HAS3: variants seen among roughly 807,000 people sequenced by gnomAD.
HAS3 encodes the protein hyaluronan synthase 3.
HAS3 carries 27 observed loss-of-function variants against 50.3 expected under a neutral mutation model. The ratio of observed to expected loss-of-function variants is 0.54; its 90% CI spans 0.40 to 0.74. The LOEUF is 0.74. Ranked by LOEUF, HAS3 falls within the 30% of genes least tolerant of loss-of-function variation. HAS3 has a pLI of 0.00. For synonymous variants in HAS3, 339 were observed against 310.9 expected (o/e 1.09, Z -0.95); for missense variants, 517 against 742.8 (o/e 0.70, Z 3.53).
chr16:69,116,244 A>G lies in HAS3; in HGVS notation c.*978A>G. 1 of 985,566 alleles carries G rather than the reference A, an allele frequency of 1.0e-6. No homozygotes were observed. Among genetic ancestry groups the G allele is most frequent in the Non-Finnish European group, 1.2e-6 (1 of 829,940 alleles). 61.1% of individuals were successfully genotyped at this position (985,566 alleles called of 1,614,324 possible). On this transcript the variant is annotated 3_prime_UTR_variant, in exon 4 of 4. Coordinates refer to ENST00000569188, the MANE Select transcript of HAS3 (RefSeq NM_001199280.2). Reference sequence around the variant, plus strand: ...AGGTATCACTGCAGTCACCTCTTCTACCCTCATCATCATAGGTAAGGTTTT... The same window carrying G: ...AGGTATCACTGCAGTCACCTCTTCTGCCCTCATCATCATAGGTAAGGTTTT...
At chr16:69,102,459 A>G (rs1960707457), upstream of HAS3, among the ~76,000 whole-genome samples, 1 of 152,184 alleles carries the variant, frequency 6.6e-6, no homozygotes, top group Admixed American at 6.5e-5. Context: ...CAAATAGGAC[A>G]CCACAAACTG....
Position 69,107,511 on chromosome 16 carries a change from G to C in HAS3, c.-1+1724G>C. The C allele has an allele frequency of 1.0e-6, 1 of 984,464 alleles. No individual in the cohort carries two copies. Among genetic ancestry groups the C allele is most frequent in the South Asian group, 4.7e-5 (1 of 21,294 alleles). 61.0% of individuals were successfully genotyped at this position (984,464 alleles called of 1,614,324 possible). A position where few individuals can be genotyped will look rare whatever the true frequency, so the allele number is the denominator to read the frequency against. On this transcript the variant is annotated intron_variant, in intron 1 of 3. Transcript: ENST00000569188. The surrounding 1 kb of genome is among the most constrained non-coding windows in gnomAD (Gnocchi z 5.5). The stretch of plus-strand genomic sequence containing the variant: ...GCCGGCGCCGCCTTTGCCAAGAGGC[G>C]AGGCTCGAGCGGGGATGAGAAGCGT...
chr16:69,087,868 A>AT, the HAS3 span, among the ~76,000 whole-genome samples: 1 of 142,040 alleles, frequency 7.0e-6, no homozygotes, highest in African/African-American at 2.6e-5. Context: ...ACGCCCAACT[A>AT]TTTTTTTGTA....
chr16:69,107,790 G>C lies in HAS3; in HGVS notation c.1-1606G>C, dbSNP rs1348748622. On this transcript the variant is annotated intron_variant, in intron 1 of 3. Transcript: ENST00000569188. The surrounding 1 kb of genome is among the most constrained non-coding windows in gnomAD (Gnocchi z 5.5). The stretch of plus-strand genomic sequence containing the variant: ...GCGCGAGCAGTAGGGTGGCAACAGG[G>C]AGGGCTGGGAGTCCTGTGAAGGAAG... The C allele has an allele frequency of 3.9e-6, 3 of 769,100 alleles. No homozygotes were observed. The highest frequency in any genetic ancestry group is 3.2e-6 in the Non-Finnish European group (2 of 632,128). 47.6% of individuals were successfully genotyped at this position (769,100 alleles called of 1,614,324 possible). A position where few individuals can be genotyped will look rare whatever the true frequency, so the allele number is the denominator to read the frequency against.
chr16:69,107,313 G>C lies in HAS3; in HGVS notation c.-1+1526G>C. On this transcript the variant is annotated intron_variant, in intron 1 of 3. Coordinates refer to ENST00000569188, the MANE Select transcript of HAS3 (RefSeq NM_001199280.2). The surrounding 1 kb of genome is among the most constrained non-coding windows in gnomAD (Gnocchi z 5.5). ...ATGCCTCTAATTCCTGCGGGGGAGG[G>C]GTCCCGCCCAGGGAAGGAGAGGGCC... is the stretch of plus-strand genomic sequence containing the variant. The C allele has an allele frequency of 1.0e-6, 1 of 981,406 alleles. No individual in the cohort carries two copies. The allele number at this position is 981,406 out of a possible 1,614,324, so 60.8% of individuals were successfully genotyped here.
At chr16:69,110,918 C>T (rs983468217) in intron 2 of HAS3, among the ~76,000 whole-genome samples, 9 of 152,196 alleles carry the variant, frequency 5.9e-5, no homozygotes, top group South Asian at 2.1e-4. Context: ...CATGTCTGGG[C>T]GGTGAGAGAC....
At chr16:69,118,264 A>G, downstream of HAS3, 1 of 806,474 alleles carries the variant, frequency 1.2e-6, no homozygotes, top group Non-Finnish European at 2.2e-6. Flanking sequence ...TCCCAGGAGA[A>G]GGGAGCTGCA....
At chr16:69,085,753 T>G in the HAS3 span, among the ~76,000 whole-genome samples, 1 of 130,500 alleles carries the variant, frequency 7.7e-6, no homozygotes, top group Non-Finnish European at 1.7e-5. Flanking sequence ...AATTTTTGTG[T>G]TTTTTAGTAG....
At chr16:69,095,607 A>T in the HAS3 span, among the ~76,000 whole-genome samples, 12 of 151,886 alleles carry the variant, frequency 7.9e-5, no homozygotes, top group African/African-American at 2.9e-4. Context: ...GATTTTTAAA[A>T]GCTCTACAGG....
Position 69,114,984 on chromosome 16 carries a change from C to T in HAS3, c.1380C>T (p.Thr460=), listed in dbSNP as rs1158745908. Residue 460 remains threonine, a synonymous_variant, in exon 4 of 4, where the codon ACC becomes ACT. Coordinates refer to ENST00000569188, the MANE Select transcript of HAS3 (RefSeq NM_001199280.2). The surrounding 1 kb of genome is among the most constrained non-coding windows in gnomAD (Gnocchi z 6.4). The part of the protein sequence containing the change: ...LLPAKIFAIA[T]INKSGWGTSG... Reference sequence around the variant, plus strand: ...CGGCCAAGATCTTTGCCATTGCTACCATCAACAAATCTGGCTGGGGCACCT... The same window carrying T: ...CGGCCAAGATCTTTGCCATTGCTACTATCAACAAATCTGGCTGGGGCACCT... The T allele has an allele frequency of 6.2e-7, 1 of 1,614,116 alleles. No individual in the cohort carries two copies. Among genetic ancestry groups the T allele is most frequent in the Non-Finnish European group, 8.5e-7 (1 of 1,180,022 alleles).
chr16:69,089,668 T>C, the HAS3 span, among the ~76,000 whole-genome samples: 6 of 152,200 alleles, frequency 3.9e-5, no homozygotes, highest in African/African-American at 1.4e-4. Flanking sequence ...AGCTCAGGGC[T>C]GTGCTCAGCG....
At chr16:69,086,522 ATGTGTGTGTGTG>A in the HAS3 span, among the ~76,000 whole-genome samples, 125 of 138,420 alleles carry the variant, frequency 9.0e-4, 1 homozygote, top group African/African-American at 2.9e-3. Flanking sequence ...TTTCTATATT[ATGTGTGTGTGTG>A]TGTGTGTGTG....
At chr16:69,092,948 C>T in the HAS3 span, among the ~76,000 whole-genome samples, 1 of 152,324 alleles carries the variant, frequency 6.6e-6, no homozygotes, top group South Asian at 2.1e-4. Flanking sequence ...CCACCTGCTC[C>T]TGCACTTTGG....
the HAS3 span, chr16:69,083,658 G>A: frequency 5.8e-6 from 9 of 1,556,590 alleles, no homozygotes; most frequent in South Asian, 3.6e-5. Flanking sequence ...TGGTCCTGCC[G>A]TAGACCTGGC....
the HAS3 span, among the ~76,000 whole-genome samples, chr16:69,094,057 G>A: frequency 6.6e-6 from 1 of 152,220 alleles, no homozygotes; most frequent in Non-Finnish European, 1.5e-5. Context: ...GCTGAGGGCA[G>A]GAGCTGCTGA....
At chr16:69,112,757 G>C (rs1222756848) in intron 2 of HAS3, among the ~76,000 whole-genome samples, 1 of 152,208 alleles carries the variant, frequency 6.6e-6, no homozygotes, top group African/African-American at 2.4e-5. Flanking sequence ...GTTAGAATCA[G>C]GCCATAAGCC....
At chr16:69,096,257 G>A in the HAS3 span, among the ~76,000 whole-genome samples, 3 of 150,314 alleles carry the variant, frequency 2.0e-5, no homozygotes, top group African/African-American at 7.3e-5. Context: ...ACATGGCTGG[G>A]CACGGTGGCT....
At chr16:69,095,549 C>G in the HAS3 span, among the ~76,000 whole-genome samples, 1 of 151,870 alleles carries the variant, frequency 6.6e-6, no homozygotes, top group Non-Finnish European at 1.5e-5. Context: ...GGGGTCCACC[C>G]CCAGTGATTC....
At chr16:69,110,217 C>T (rs552025223) in intron 2 of HAS3, among the ~76,000 whole-genome samples, 186 bp downstream of exon 2, 22 of 152,102 alleles carry the variant, frequency 1.4e-4, no homozygotes, top group Non-Finnish European at 1.0e-4. Flanking sequence ...TTTGGGGGGC[C>T]GAGGCGGGTG....
Sources: allele counts gnomAD v4.1 joint callset (sites outside exome capture counted in the v4.1 genomes callset), GRCh38; gene constraint gnomAD v4.1.1; non-coding constraint Gnocchi (gnomAD v3.1); transcripts MANE v1.5; gene names NCBI Gene and HGNC (gene_info 2026-07-23, HGNC 2026-07-21).